The following LRRC4C variants were observed in gnomAD, a reference collection of about 807,000 sequenced individuals.
The protein encoded by LRRC4C is leucine-rich repeat-containing protein 4C.
A neutral mutation model predicts 33.6 loss-of-function variants in LRRC4C; 5 were observed. The ratio of observed to expected loss-of-function variants is 0.15; its 90% CI spans 0.08 to 0.31. LRRC4C has a LOEUF of 0.31. Ranked by LOEUF, LRRC4C falls within the 10% of genes least tolerant of loss-of-function variation. The probability of loss-of-function intolerance (pLI) is 1.00; values close to 1 mark genes in which losing one functional copy is unlikely to be tolerated. For missense variants in LRRC4C, 560 were observed against 796.7 expected (o/e 0.70, Z 3.58); for synonymous variants, 329 against 302.0 (o/e 1.09, Z -0.93).
intron 3 of LRRC4C, among the ~76,000 whole-genome samples, chr11:40,627,074 G>GTTTTTT (rs33969300): frequency 1.8e-5 from 2 of 112,464 alleles, no homozygotes; most frequent in Non-Finnish European, 1.9e-5. Flanking sequence ...CAGCTATACT[G>GTTTTTT]TTTTTTTTTT....
At chr11:41,201,332 G>C (rs773518378) in intron 1 of LRRC4C, among the ~76,000 whole-genome samples, 2 of 152,164 alleles carry the variant, frequency 1.3e-5, no homozygotes, top group South Asian at 4.1e-4. Context: ...GGGAGCTCGT[G>C]TTCCCAAAAC....
chr11:40,687,728 T>A (rs779152872), intron 2 of LRRC4C, among the ~76,000 whole-genome samples: 15 of 152,126 alleles, frequency 9.9e-5, no homozygotes, highest in Non-Finnish European at 2.1e-4. Context: ...AACCTGTCTA[T>A]AATTTTATAT....
At chr11:40,732,896 A>T (rs1024360618) in intron 2 of LRRC4C, among the ~76,000 whole-genome samples, 1 of 151,998 alleles carries the variant, frequency 6.6e-6, no homozygotes, top group South Asian at 2.1e-4. Flanking sequence ...AGGTTAAGAC[A>T]TTCTTAACCC....
chr11:40,397,547 G>A (rs1949591363), intron 3 of LRRC4C, among the ~76,000 whole-genome samples: 1 of 152,084 alleles, frequency 6.6e-6, no homozygotes, highest in African/African-American at 2.4e-5. Context: ...TGCCCCTTTT[G>A]TGTCAAAGGG....
intron 3 of LRRC4C, among the ~76,000 whole-genome samples, chr11:40,469,084 T>C (rs754263039): frequency 6.6e-5 from 10 of 152,114 alleles, no homozygotes; most frequent in Admixed American, 1.3e-4. Context: ...AGGGAGGCCA[T>C]AGGGCAAGAT....
Position 40,626,784 on chromosome 11 carries a change from A to G in LRRC4C, c.-270+21358T>C, listed in dbSNP as rs188150800. Among the ~76,000 whole-genome samples, 4 of 152,262 alleles carry G rather than the reference A, an allele frequency of 2.6e-5. No individual in the cohort carries two copies. The East Asian group carries it at 7.7e-4, about 29-fold the overall frequency. The stretch of plus-strand genomic sequence containing the variant: ...AAGTGATTTTGTTCAAATGACTGCA[A>G]TTTTGGATCACTTTCCATCTAAGTC... On this transcript the variant is annotated intron_variant, in intron 3 of 6. Transcript: ENST00000528697.
At chr11:40,915,143 G>T (rs1438662090) in intron 2 of LRRC4C, among the ~76,000 whole-genome samples, 1 of 152,034 alleles carries the variant, frequency 6.6e-6, no homozygotes, top group Non-Finnish European at 1.5e-5. Context: ...TAGATTCAAT[G>T]CCGTCTCCAT....
intron 1 of LRRC4C, among the ~76,000 whole-genome samples, chr11:41,180,845 A>C (rs540725337): frequency 6.6e-6 from 1 of 152,208 alleles, no homozygotes; most frequent in Admixed American, 6.5e-5. Context: ...CTGCCGCAGA[A>C]CATCAAAAAT....
At chr11:40,418,174 C>A (rs1950395118) in intron 3 of LRRC4C, among the ~76,000 whole-genome samples, 1 of 152,086 alleles carries the variant, frequency 6.6e-6, no homozygotes, top group Non-Finnish European at 1.5e-5. Flanking sequence ...AGGCAACCTA[C>A]AGAGTGGAAG....
intron 6 of LRRC4C, among the ~76,000 whole-genome samples, chr11:40,121,856 C>T (rs1442618606): frequency 6.6e-6 from 1 of 152,162 alleles, no homozygotes; most frequent in Admixed American, 6.5e-5. Context: ...AACTGTACCT[C>T]TTCTTTCCCT....
At chr11:41,188,451 C>T (rs1414067743) in intron 1 of LRRC4C, among the ~76,000 whole-genome samples, 2 of 152,024 alleles carry the variant, frequency 1.3e-5, no homozygotes, top group African/African-American at 4.8e-5. Flanking sequence ...CGGAGTTAGA[C>T]TACCTGGAAG....
chr11:40,660,997 A>G (rs1252793073), intron 2 of LRRC4C, among the ~76,000 whole-genome samples: 2 of 152,204 alleles, frequency 1.3e-5, no homozygotes, highest in African/African-American at 4.8e-5. Context: ...AAATGAATAA[A>G]GGGGTTTCTT....
chr11:40,378,190 G>T (rs188109465), intron 3 of LRRC4C, among the ~76,000 whole-genome samples: 4 of 152,090 alleles, frequency 2.6e-5, no homozygotes, highest in Admixed American at 2.0e-4. Context: ...CATACACCAA[G>T]AAATGAATTG....
intron 1 of LRRC4C, among the ~76,000 whole-genome samples, chr11:41,264,820 C>A (rs1949097361): frequency 6.6e-6 from 1 of 152,026 alleles, no homozygotes; most frequent in Non-Finnish European, 1.5e-5. Flanking sequence ...AATACACTTG[C>A]GTACAACCAT....
chr11:41,279,347 T>C (rs1039481460), intron 1 of LRRC4C, among the ~76,000 whole-genome samples: 1 of 147,426 alleles, frequency 6.8e-6, no homozygotes, highest in Non-Finnish European at 1.5e-5. Context: ...ATACCACTCA[T>C]CTCTCATTCC....
intron 1 of LRRC4C, among the ~76,000 whole-genome samples, chr11:41,393,005 CT>C (rs1953665301): frequency 6.6e-6 from 1 of 151,798 alleles, no homozygotes; most frequent in South Asian, 2.1e-4. Flanking sequence ...TATTGTTATG[CT>C]TTCCTAATTG....
chr11:40,976,092 C>T (rs760381240), intron 1 of LRRC4C, among the ~76,000 whole-genome samples: 3 of 152,142 alleles, frequency 2.0e-5, no homozygotes, highest in Non-Finnish European at 4.4e-5. Context: ...TATTTCTTTG[C>T]TTGGATTATA....
intron 2 of LRRC4C, among the ~76,000 whole-genome samples, chr11:40,733,592 C>T (rs1947714634): frequency 6.6e-6 from 1 of 152,140 alleles, no homozygotes; most frequent in Non-Finnish European, 1.5e-5. Flanking sequence ...TCTTCTCTTT[C>T]ATAAGGCTAA....
chr11:40,192,208 GCAGCTC>G (rs1256595502), intron 5 of LRRC4C, among the ~76,000 whole-genome samples: 4 of 152,060 alleles, frequency 2.6e-5, no homozygotes, highest in African/African-American at 9.7e-5. Flanking sequence ...GCTCTGGTCT[GCAGCTC>G]CCAGCGAGAA....
Sources: allele counts gnomAD v4.1 joint callset (sites outside exome capture counted in the v4.1 genomes callset), GRCh38; gene constraint gnomAD v4.1.1; transcripts MANE v1.5; gene names NCBI Gene and HGNC (gene_info 2026-07-23, HGNC 2026-07-21).